Variants in ADAMTS3 observed in about 807,000 individuals in gnomAD.
ADAMTS3 encodes the protein A disintegrin and metalloproteinase with thrombospondin motifs 3.
In ADAMTS3, 73 loss-of-function variants were observed where a neutral mutation model predicts 129.0. That is an observed-to-expected ratio of 0.57 (90% confidence interval 0.47 to 0.69). ADAMTS3 has a LOEUF of 0.69. Among genes scored for constraint, ADAMTS3 ranks in the 30% least tolerant of loss-of-function variants. The pLI, the probability that ADAMTS3 is intolerant of heterozygous loss-of-function variation, is 0.00. For synonymous variants in ADAMTS3, 477 were observed against 510.8 expected, an observed-to-expected ratio of 0.93 and a Z score of 0.89; for missense variants, 1,457 against 1,514.5, an observed-to-expected ratio of 0.96 and a Z score of 0.63.
intron 3 of ADAMTS3, among the ~76,000 whole-genome samples, chr4:72,480,434 C>G (rs1193394772): frequency 1.3e-5 from 2 of 152,022 alleles, no homozygotes; most frequent in African/African-American, 2.4e-5. Context: ...TCTCAGTAAA[C>G]TATCGCAAGG....
chr4:72,530,900 C>G lies in ADAMTS3; in HGVS notation c.504+17578G>C, dbSNP rs1054725587. On this transcript the variant is annotated intron_variant, in intron 3 of 21. Coordinates refer to ENST00000286657, the MANE Select transcript of ADAMTS3 (RefSeq NM_014243.3). ...TATGCTCTTTAGATATACATATATGCTTTTTAGGTAATTATGATACACAAT... is the reference window on the plus strand; with the variant it reads ...TATGCTCTTTAGATATACATATATGGTTTTTAGGTAATTATGATACACAAT... Among the ~76,000 whole-genome samples the G allele has an allele frequency of 5.2e-5, 7 of 135,526 alleles. No individual in the cohort carries two copies. In the South Asian group the frequency reaches 1.5e-3, roughly 30 times the overall value. 88.9% of individuals were successfully genotyped at this position (135,526 alleles called of 152,430 possible).
chr4:72,318,851 T>C (rs1346431633), intron 9 of ADAMTS3, 147 bp from the exon 10 acceptor site: 1 of 782,660 alleles, frequency 1.3e-6, no homozygotes, highest in Admixed American at 3.0e-5. Flanking sequence ...TTTAAGGTTT[T>C]GGTTTTGGTT....
chr4:72,466,996 C>T (rs1442480176), intron 3 of ADAMTS3, among the ~76,000 whole-genome samples: 1 of 152,008 alleles, frequency 6.6e-6, no homozygotes, highest in East Asian at 1.9e-4. Flanking sequence ...ACATTTAAAA[C>T]CTCACTATAT....
rs200415266 is a variant in ADAMTS3 at position 72,323,095 on chromosome 4, C to T, written c.864G>A (p.Val288=). 1.2e-6 allele frequency: 2 copies of T among 1,610,536 alleles called. No homozygotes were observed. Among genetic ancestry groups the T allele is most frequent in the East Asian group, 4.5e-5 (2 of 44,824 alleles). ...GGGACTCATCATGGTAAATTTCATT[C>T]ACCTAGCAACAAAAAAAGATAATTG... is the stretch of plus-strand genomic sequence containing the variant. ...QNYLLTLMNI[V]NEIYHDESLG... is the part of the protein sequence containing the mutation. Residue 288 remains valine (V), a splice_region_variant and synonymous_variant, in exon 6 of 22, where the codon GTG becomes GTA. Coordinates refer to ENST00000286657, the MANE Select transcript of ADAMTS3 (RefSeq NM_014243.3).
At chr4:72,331,169 G>C (rs1329903162) in intron 5 of ADAMTS3, among the ~76,000 whole-genome samples, 4 of 152,144 alleles carry the variant, frequency 2.6e-5, no homozygotes, top group Non-Finnish European at 5.9e-5. Flanking sequence ...TTACGTTAAG[G>C]TAACATGTGA....
chr4:72,526,934 G>A (rs1488408646), intron 3 of ADAMTS3, among the ~76,000 whole-genome samples: 1 of 151,638 alleles, frequency 6.6e-6, no homozygotes, highest in East Asian at 1.9e-4. Flanking sequence ...GTGAAACACA[G>A]GATAAGATAA....
intron 3 of ADAMTS3, among the ~76,000 whole-genome samples, chr4:72,456,972 T>C (rs36003449): frequency 0.2 from 30,935 of 151,640 alleles, 4,006 homozygotes; most frequent in Non-Finnish European, 0.29. Context: ...GTCTTAAGTT[T>C]GTAGAAATCA....
chr4:72,489,195 C>T (rs981641890), intron 3 of ADAMTS3, among the ~76,000 whole-genome samples: 2 of 151,890 alleles, frequency 1.3e-5, no homozygotes, highest in African/African-American at 2.4e-5. Flanking sequence ...GTTTCCCTAT[C>T]TTGTTGATTG....
At chr4:72,391,553 A>G (rs977977141) in intron 4 of ADAMTS3, among the ~76,000 whole-genome samples, 13 of 152,330 alleles carry the variant, frequency 8.5e-5, no homozygotes, top group South Asian at 4.1e-4. Flanking sequence ...TGAGAGGCCA[A>G]TGAAACATTT....
At chr4:72,312,024 A>G (rs967376141) in intron 13 of ADAMTS3, 16 of 361,406 alleles carry the variant, frequency 4.4e-5, no homozygotes, top group Non-Finnish European at 7.0e-5. Flanking sequence ...AGGAATTCCA[A>G]CATCTCTCCC....
At chr4:72,324,932 A>T (rs1719662549) in intron 5 of ADAMTS3, among the ~76,000 whole-genome samples, 1 of 152,068 alleles carries the variant, frequency 6.6e-6, no homozygotes, top group Non-Finnish European at 1.5e-5. Flanking sequence ...TCCTGGTTCA[A>T]CCCCTCACTG....
intron 4 of ADAMTS3, among the ~76,000 whole-genome samples, chr4:72,384,804 C>T (rs150341500): frequency 2.0e-5 from 3 of 152,090 alleles, no homozygotes; most frequent in African/African-American, 7.2e-5. Flanking sequence ...AAAATATTTA[C>T]GTTTAAAGCA....
intron 3 of ADAMTS3, among the ~76,000 whole-genome samples, chr4:72,437,767 C>A (rs1252524465): frequency 1.3e-5 from 2 of 151,620 alleles, no homozygotes; most frequent in Non-Finnish European, 2.9e-5. Context: ...CAATTCAGAC[C>A]CATAAAGTAA....
intron 3 of ADAMTS3, among the ~76,000 whole-genome samples, chr4:72,524,943 A>C (rs1419152864): frequency 6.6e-6 from 1 of 152,172 alleles, no homozygotes; most frequent in East Asian, 1.9e-4. Flanking sequence ...TAGGAAAAAC[A>C]CTAGAGACAG....
chr4:72,345,983 AGTT>A (rs1720271910), intron 4 of ADAMTS3, among the ~76,000 whole-genome samples: 5 of 152,142 alleles, frequency 3.3e-5, no homozygotes, highest in Admixed American at 3.3e-4. Context: ...ACGTAACAAG[AGTT>A]CCAGAGGTAT....
At chr4:72,320,010 C>A in intron 7 of ADAMTS3, 47 bp from the exon 8 acceptor site, 1 of 1,524,298 alleles carries the variant, frequency 6.6e-7, no homozygotes, top group East Asian at 2.3e-5. Context: ...TGAGAAAACC[C>A]ATTAAGAATT....
chr4:72,516,843 A>G (rs1720498243), intron 3 of ADAMTS3, among the ~76,000 whole-genome samples: 1 of 151,806 alleles, frequency 6.6e-6, no homozygotes, highest in East Asian at 1.9e-4. Context: ...TCTCCTGCCT[A>G]ATTGCCCTGG....
intron 4 of ADAMTS3, among the ~76,000 whole-genome samples, chr4:72,413,188 GC>G (rs1454197179): frequency 6.6e-6 from 1 of 151,970 alleles, no homozygotes; most frequent in African/African-American, 2.4e-5. Context: ...ATAGGGTACA[GC>G]CTGATGAAAC....
At chr4:72,535,230 G>T (rs1236224393) in intron 3 of ADAMTS3, among the ~76,000 whole-genome samples, 1 of 152,146 alleles carries the variant, frequency 6.6e-6, no homozygotes, top group East Asian at 1.9e-4. Flanking sequence ...CAAGCCCAAA[G>T]GAAGTATTAC....
Sources: gnomAD v4.1 joint callset for allele counts (sites outside exome capture counted in the v4.1 genomes callset) on GRCh38, gnomAD v4.1.1 for gene constraint, MANE v1.5 for transcripts, NCBI Gene and HGNC (gene_info 2026-07-23, HGNC 2026-07-21) for gene names.